Variants in DMD observed in about 807,000 individuals in gnomAD.
DMD encodes the protein dystrophin, also known as mutant dystrophin.
In DMD, 63 loss-of-function variants were observed where a neutral mutation model predicts 330.1. The observed-to-expected ratio is 0.19, with a 90% CI of 0.16 to 0.24. DMD has a LOEUF of 0.24. Ranked by LOEUF, DMD falls within the 10% of genes least tolerant of loss-of-function variation. The pLI is 1.00. For missense variants in DMD, 3,344 were observed against 2,684.1 expected (o/e 1.25, Z -5.43); for synonymous variants, 1,223 against 959.8 (o/e 1.27, Z -5.07).
intron 20 of DMD, among the ~76,000 whole-genome samples, chrX:32,486,571 G>A (rs1868888232): frequency 9.1e-6 from 1 of 110,457 alleles, no homozygotes; most frequent in African/African-American, 3.3e-5. Context: ...GGACAAAGCT[G>A]GAGGCATCAC....
At chrX:32,822,786 G>T (rs1019965328) in intron 5 of DMD, among the ~76,000 whole-genome samples, 1 of 110,312 alleles carries the variant, frequency 9.1e-6, no homozygotes, top group Non-Finnish European at 1.9e-5. Context: ...ATAGACAGTC[G>T]GAAGACCCTA....
intron 60 of DMD, among the ~76,000 whole-genome samples, chrX:31,381,008 C>T (rs776832152): frequency 9.0e-6 from 1 of 111,663 alleles, no homozygotes; most frequent in Admixed American, 9.6e-5. Context: ...CCAATCCCTT[C>T]TAGAAAACAA....
intron 22 of DMD, among the ~76,000 whole-genome samples, chrX:32,470,635 C>A (rs147144376): frequency 5.4e-5 from 6 of 111,040 alleles, no homozygotes; most frequent in African/African-American, 1.6e-4. Flanking sequence ...TTCTATTAGG[C>A]AACACATTTT....
At chrX:31,410,398 T>C (rs1464383636) in intron 60 of DMD, among the ~76,000 whole-genome samples, 1 of 112,107 alleles carries the variant, frequency 8.9e-6, no homozygotes, top group Non-Finnish European at 1.9e-5. Context: ...TTGTTCATTA[T>C]GTAATGGGAA....
chrX:32,587,540 C>T (rs2054438166), intron 13 of DMD, among the ~76,000 whole-genome samples: 1 of 111,416 alleles, frequency 9.0e-6, no homozygotes, highest in African/African-American at 3.3e-5. Flanking sequence ...CTTTTTAAAG[C>T]TGAAGTTCTC....
intron 9 of DMD, among the ~76,000 whole-genome samples, chrX:32,653,873 C>G (rs2060356002): frequency 8.9e-6 from 1 of 111,869 alleles, no homozygotes; most frequent in Admixed American, 9.5e-5. Context: ...AGGTCCTTCA[C>G]ATCCCTTGCA....
chrX:33,021,759 T>C (rs1422826406), intron 1 of DMD, among the ~76,000 whole-genome samples: 2 of 111,942 alleles, frequency 1.8e-5, no homozygotes, highest in African/African-American at 6.5e-5. Context: ...TTTTCTTATT[T>C]AATTATGTTA....
intron 63 of DMD, among the ~76,000 whole-genome samples, chrX:31,234,777 G>A (rs2047558291): frequency 8.9e-6 from 1 of 111,988 alleles, no homozygotes; most frequent in South Asian, 3.8e-4. Flanking sequence ...GGTAAAAACA[G>A]ATTTTATTCA....
At chrX:31,747,685 T>C (rs1164677508) in intron 51 of DMD, among the ~76,000 whole-genome samples, 1 of 111,543 alleles carries the variant, frequency 9.0e-6, no homozygotes, top group Non-Finnish European at 1.9e-5. Flanking sequence ...TACTGTTTGA[T>C]AGGGAAATGT....
rs376133416 is a variant in DMD, at chrX:31,680,464, G to A, written c.7661-878C>T. 3.1e-4 allele frequency among the ~76,000 whole-genome samples: 34 copies of A among 109,426 alleles called. No individual in the cohort carries two copies. In the East Asian group the frequency reaches 4.3e-3, roughly 14 times the overall value. On this transcript the variant is annotated intron_variant, in intron 52 of 78. Coordinates refer to ENST00000357033, the MANE Select transcript of DMD (RefSeq NM_004006.3). ...CCGCTCACTGCAACCTCCGCCTCCC[G>A]GGTTCAAGCTATCCTCCTGTCTCAG...
intron 1 of DMD, among the ~76,000 whole-genome samples, chrX:33,058,329 G>A (rs781412837): frequency 9.0e-6 from 1 of 111,254 alleles, no homozygotes; most frequent in Non-Finnish European, 1.9e-5. Context: ...CTCTGTCCCA[G>A]GCAGGAGTGT....
intron 41 of DMD, among the ~76,000 whole-genome samples, chrX:32,330,528 C>T (rs1462809204): frequency 8.9e-6 from 1 of 111,867 alleles, no homozygotes. Context: ...GCCATCTGAG[C>T]TCCCTTCCAG....
intron 54 of DMD, among the ~76,000 whole-genome samples, chrX:31,647,159 TTA>T (rs2080153494): frequency 8.9e-6 from 1 of 112,275 alleles, no homozygotes; most frequent in Non-Finnish European, 1.9e-5. Context: ...GATAAGAATG[TTA>T]TCTATGTCTT....
At chrX:33,031,314 A>C (rs1228531838) in intron 1 of DMD, among the ~76,000 whole-genome samples, 4 of 111,147 alleles carry the variant, frequency 3.6e-5, no homozygotes, top group Non-Finnish European at 5.7e-5. Flanking sequence ...AAAAAAAAAA[A>C]AAACAATGGA....
chrX:32,677,523 A>G (rs2062052803), intron 9 of DMD, among the ~76,000 whole-genome samples: 1 of 111,732 alleles, frequency 8.9e-6, no homozygotes, highest in African/African-American at 3.2e-5. Context: ...AATAAACTAC[A>G]TAGGCACTGG....
At chrX:32,515,281 A>G (rs746891797) in intron 18 of DMD, among the ~76,000 whole-genome samples, 204 of 111,687 alleles carry the variant, frequency 1.8e-3, no homozygotes, top group Non-Finnish European at 2.9e-3. Context: ...AAGATAGAAG[A>G]AAATATAGAC....
chrX:32,043,976 C>T lies in DMD; in HGVS notation c.6439-75462G>A, dbSNP rs565921452. Among the ~76,000 whole-genome samples, 17 of 111,709 alleles carry T rather than the reference C, an allele frequency of 1.5e-4. No homozygotes were observed. In the South Asian group the frequency reaches 2.6e-3, roughly 17 times the overall value. Reference sequence around the variant, plus strand: ...GACATTCTCCCAGGTAAGGGGATTTCGAATAAGGTCTTCCTATGGCATGGC... The same window carrying T: ...GACATTCTCCCAGGTAAGGGGATTTTGAATAAGGTCTTCCTATGGCATGGC... On this transcript the variant is annotated intron_variant, in intron 44 of 78. Coordinates refer to ENST00000357033, the MANE Select transcript of DMD (RefSeq NM_004006.3).
intron 59 of DMD, among the ~76,000 whole-genome samples, chrX:31,460,824 C>T (rs1023782418): frequency 9.0e-6 from 1 of 111,616 alleles, no homozygotes; most frequent in Admixed American, 9.6e-5. Flanking sequence ...TCATGCAACC[C>T]ACCCACCTCG....
intron 60 of DMD, among the ~76,000 whole-genome samples, chrX:31,377,812 A>C (rs2059954597): frequency 8.9e-6 from 1 of 111,752 alleles, no homozygotes; most frequent in Admixed American, 9.5e-5. Context: ...AAAAATCACA[A>C]AAGAAGTGAA....
Sources: gnomAD v4.1 joint callset for allele counts (sites outside exome capture counted in the v4.1 genomes callset) on GRCh38, gnomAD v4.1.1 for gene constraint, MANE v1.5 for transcripts, NCBI Gene and HGNC (gene_info 2026-07-23, HGNC 2026-07-21) for gene names.